E2F7: variants seen among roughly 807,000 people sequenced by gnomAD.
E2F7 encodes the protein transcription factor E2F7.
In E2F7, 35 loss-of-function variants were observed where a neutral mutation model predicts 81.1. The observed-to-expected ratio is 0.43, with a 90% CI of 0.33 to 0.57. The LOEUF is 0.57. Among genes scored for constraint, E2F7 ranks in the 20% least tolerant of loss-of-function variants. E2F7 has a pLI of 0.04. For missense variants in E2F7, 961 were observed against 1,093.7 expected (o/e 0.88, Z 1.71); for synonymous variants, 416 against 416.2 (o/e 1.00, Z 0.01).
chr12:77,046,943 T>G (rs983427945), intron 4 of E2F7, among the ~76,000 whole-genome samples: 1 of 152,230 alleles, frequency 6.6e-6, no homozygotes, highest in African/African-American at 2.4e-5. Flanking sequence ...CCTTCTCATA[T>G]TGCTGAAAGA....
intron 7 of E2F7, among the ~76,000 whole-genome samples, chr12:77,041,970 C>T (rs1592560203): frequency 6.6e-6 from 1 of 152,258 alleles, no homozygotes; most frequent in East Asian, 1.9e-4. Flanking sequence ...CAGCACAATA[C>T]TCAATTGCAG....
At chr12:77,033,153 T>C (rs1453407742) in intron 8 of E2F7, 31 bp from the exon 9 acceptor site, 3 of 1,596,228 alleles carry the variant, frequency 1.9e-6, no homozygotes, top group Non-Finnish European at 1.7e-6. Context: ...TTAACAAATA[T>C]AGCAAGAGAC....
chr12:77,035,946 A>G (rs1031808316), intron 7 of E2F7, among the ~76,000 whole-genome samples: 2 of 37,548 alleles, frequency 5.3e-5, no homozygotes, highest in Non-Finnish European at 1.3e-4. Context: ...GTATACATTT[A>G]ATGGCAGATT....
intron 4 of E2F7, among the ~76,000 whole-genome samples, chr12:77,047,937 C>T (rs975554150): frequency 4.6e-5 from 7 of 152,168 alleles, no homozygotes; most frequent in African/African-American, 9.6e-5. Flanking sequence ...ATCATGTGAC[C>T]GCAACTGACA....
intron 4 of E2F7, among the ~76,000 whole-genome samples, chr12:77,049,183 A>G (rs1954965690): frequency 6.6e-6 from 1 of 152,070 alleles, no homozygotes; most frequent in Non-Finnish European, 1.5e-5. Context: ...CTCCCATTAG[A>G]AATGCCATGT....
chr12:77,024,254 C>T, intron 12 of E2F7, 69 bp from the exon 13 acceptor site: 12 of 1,500,590 alleles, frequency 8.0e-6, no homozygotes, highest in Non-Finnish European at 9.9e-6. Context: ...AGAAAGGCAG[C>T]CCTTTCTTGA....
At chr12:77,031,123 G>T (rs1954803728) in intron 9 of E2F7, among the ~76,000 whole-genome samples, 1 of 152,108 alleles carries the variant, frequency 6.6e-6, no homozygotes, top group Admixed American at 6.5e-5. Context: ...CTCCTGTGGG[G>T]GGCCTAGGAG....
chr12:77,056,888 C>CTTTTT (rs35865722), intron 2 of E2F7, among the ~76,000 whole-genome samples: 3 of 145,808 alleles, frequency 2.1e-5, no homozygotes, highest in Non-Finnish European at 3.0e-5. Flanking sequence ...ATTTTTCTTA[C>CTTTTT]TTTTTTTTTT....
chr12:77,054,779 CAA>C (rs543201982), intron 3 of E2F7, among the ~76,000 whole-genome samples: 3 of 152,102 alleles, frequency 2.0e-5, no homozygotes, highest in African/African-American at 7.2e-5. Flanking sequence ...AAAAAAATTA[CAA>C]AAAATCTAAT....
At chr12:77,026,884 T>C (rs1954764222) in intron 11 of E2F7, among the ~76,000 whole-genome samples, 1 of 152,192 alleles carries the variant, frequency 6.6e-6, no homozygotes, top group Non-Finnish European at 1.5e-5. Flanking sequence ...TCCTTTGTAA[T>C]CCCATGTATT....
At chr12:77,037,196 T>C (rs956565519) in intron 7 of E2F7, among the ~76,000 whole-genome samples, 5 of 152,192 alleles carry the variant, frequency 3.3e-5, no homozygotes, top group African/African-American at 1.2e-4. Flanking sequence ...GAAAAAAATA[T>C]TAGATGGAAA....
In E2F7 at chr12:77,032,690, C is replaced by T. The variant is rs1232241274; in HGVS notation, c.1382+360G>A. 2.6e-5 allele frequency among the ~76,000 whole-genome samples: 4 copies of T among 152,288 alleles called. No individual in the cohort carries two copies. In the East Asian group the frequency reaches 7.7e-4, roughly 29 times the overall value. On this transcript the variant is annotated intron_variant, in intron 9 of 12. Transcript: ENST00000322886. ...TCAGATGAGTCAATATACACTAAGG[C>T]TCCTGGAACGGTACCTGGTAGTTAG...
chr12:77,027,808 A>C, intron 11 of E2F7, 75 bp downstream of exon 11: 10 of 1,563,644 alleles, frequency 6.4e-6, no homozygotes, highest in Non-Finnish European at 8.6e-6. Context: ...GTCAGGTGAC[A>C]CAGACAAAAA....
chr12:77,063,314 T>C (rs980734343), intron 2 of E2F7, among the ~76,000 whole-genome samples: 5 of 152,134 alleles, frequency 3.3e-5, no homozygotes, highest in Non-Finnish European at 7.4e-5. Flanking sequence ...GGAAAGAAAA[T>C]CGTACGCCAA....
intron 7 of E2F7, among the ~76,000 whole-genome samples, chr12:77,041,427 G>A (rs751325897): frequency 1.3e-5 from 2 of 152,156 alleles, no homozygotes; most frequent in African/African-American, 2.4e-5. Context: ...CTGACCTCAG[G>A]TGATCTGCCT....
At chr12:77,060,468 G>T (rs1203939944) in intron 2 of E2F7, among the ~76,000 whole-genome samples, 1 of 152,164 alleles carries the variant, frequency 6.6e-6, no homozygotes, top group African/African-American at 2.4e-5. Flanking sequence ...TCCTGCTCCT[G>T]TGTCCGATAC....
rs556918964 is a variant in E2F7, at chr12:77,050,155, C to T, written c.538+421G>A. Among the ~76,000 whole-genome samples, 6 of 152,262 alleles carry T rather than the reference C, an allele frequency of 3.9e-5. No individual in the cohort carries two copies. In the East Asian group the frequency reaches 1.2e-3, roughly 29 times the overall value. On this transcript the variant is annotated intron_variant, in intron 4 of 12. Coordinates refer to ENST00000322886, the MANE Select transcript of E2F7 (RefSeq NM_203394.3). ...TGTATAGGGCTTTAAACATAATGCT[C>T]TTCCTCTCAAATCTTGCTTTACAAA...
intron 6 of E2F7, among the ~76,000 whole-genome samples, chr12:77,044,069 A>G (rs1242452884): frequency 6.6e-6 from 1 of 152,176 alleles, no homozygotes; most frequent in Non-Finnish European, 1.5e-5. Flanking sequence ...GAAACAAAAA[A>G]TAGCCAGATG....
chr12:77,048,688 G>A (rs1954962557), intron 4 of E2F7, among the ~76,000 whole-genome samples: 1 of 152,272 alleles, frequency 6.6e-6, no homozygotes, highest in Admixed American at 6.5e-5. Context: ...TGAAAAGATG[G>A]CATGCTTGTT....
Sources: allele counts gnomAD v4.1 joint callset (sites outside exome capture counted in the v4.1 genomes callset), GRCh38; gene constraint gnomAD v4.1.1; transcripts MANE v1.5; gene names NCBI Gene and HGNC (gene_info 2026-07-23, HGNC 2026-07-21).